The following LIMK2 variants were observed in gnomAD, a reference collection of about 807,000 sequenced individuals.
LIMK2 encodes LIM domain kinase 2.
In LIMK2, 35 loss-of-function variants were observed where a neutral mutation model predicts 75.7. The ratio of observed to expected loss-of-function variants is 0.46; its 90% CI spans 0.35 to 0.61. The LOEUF (loss-of-function observed/expected upper bound fraction) is 0.61. LIMK2 is among the 20% of genes least tolerant of loss of function. The pLI is 0.00. For missense variants in LIMK2, 623 were observed against 831.0 expected (o/e 0.75, Z 3.08); for synonymous variants, 301 against 319.2 (o/e 0.94, Z 0.61).
chr22:31,250,151 A>G (rs1419487095), intron 2 of LIMK2, among the ~76,000 whole-genome samples: 1 of 152,088 alleles, frequency 6.6e-6, no homozygotes, highest in Non-Finnish European at 1.5e-5. Flanking sequence ...TGTGGCTGAG[A>G]TTGTTTTCTA....
At chr22:31,273,979 G>A (rs143756017) in intron 14 of LIMK2, among the ~76,000 whole-genome samples, 1 of 151,124 alleles carries the variant, frequency 6.6e-6, no homozygotes, top group African/African-American at 2.4e-5. Flanking sequence ...ATTAATAGGC[G>A]TGAGCTACCT....
intron 2 of LIMK2, among the ~76,000 whole-genome samples, chr22:31,250,943 T>C (rs1256098274): frequency 6.6e-6 from 1 of 152,108 alleles, no homozygotes; most frequent in East Asian, 1.9e-4. Flanking sequence ...GCAAGGAAAG[T>C]GACGCAACCA....
At chr22:31,239,172 G>A (rs1393084107) in intron 2 of LIMK2, among the ~76,000 whole-genome samples, 4 of 152,228 alleles carry the variant, frequency 2.6e-5, no homozygotes, top group African/African-American at 9.6e-5. Context: ...GCCAACTGTA[G>A]ACTTTAGGCA....
chr22:31,248,329 A>T, intron 2 of LIMK2: 1 of 1,210,634 alleles, frequency 8.3e-7, no homozygotes, highest in African/African-American at 1.6e-5. Context: ...TCCCTCCCTC[A>T]TTCAGGGGTG....
At chr22:31,275,440 C>T in intron 15 of LIMK2, 132 bp downstream of exon 15, 2 of 806,904 alleles carry the variant, frequency 2.5e-6, no homozygotes, top group South Asian at 1.8e-5. Flanking sequence ...CTGTCAACCC[C>T]TGAGCCATCT....
chr22:31,222,066 C>CT (rs1369529944), intron 1 of LIMK2, among the ~76,000 whole-genome samples: 3 of 151,802 alleles, frequency 2.0e-5, no homozygotes, highest in Non-Finnish European at 4.4e-5. Flanking sequence ...GTGTAGACAA[C>CT]TTTTTTTCTT....
intron 2 of LIMK2, among the ~76,000 whole-genome samples, chr22:31,255,544 C>G (rs2048769371): frequency 6.6e-6 from 1 of 152,190 alleles, no homozygotes; most frequent in South Asian, 2.1e-4. Context: ...CTCTAGACTT[C>G]CCTAGCTCAG....
chr22:31,276,892 C>T (rs2049032160), intron 15 of LIMK2: 4 of 1,612,744 alleles, frequency 2.5e-6, no homozygotes, highest in Non-Finnish European at 3.4e-6. Context: ...CAAGGAGCTA[C>T]GGAAGCACCT....
chr22:31,218,594 C>T (rs1463927715), intron 1 of LIMK2, among the ~76,000 whole-genome samples: 3 of 152,170 alleles, frequency 2.0e-5, no homozygotes, highest in Non-Finnish European at 4.4e-5. Context: ...GAAGAAAACC[C>T]TTTGGGTTAC....
chr22:31,258,519 T>C (rs773885108), intron 3 of LIMK2, 93 bp downstream of exon 3: 1 of 1,321,536 alleles, frequency 7.6e-7, no homozygotes, highest in Non-Finnish European at 1.1e-6. Flanking sequence ...TTTTAGTCTT[T>C]CCATCAGCCA....
At chr22:31,276,651 G>A in intron 15 of LIMK2, 1 of 1,012,892 alleles carries the variant, frequency 9.9e-7, no homozygotes, top group Non-Finnish European at 1.2e-6. Flanking sequence ...GGCGGCACAA[G>A]GAGGGGCCCC....
chr22:31,248,566 C>T (rs755896598), intron 2 of LIMK2: 2 of 1,603,462 alleles, frequency 1.2e-6, no homozygotes, highest in Non-Finnish European at 1.7e-6. Flanking sequence ...GCTCCCGCAG[C>T]TGCTCCGGAG....
At chr22:31,244,993 T>C (rs2048655433) in intron 2 of LIMK2, among the ~76,000 whole-genome samples, 2 of 152,262 alleles carry the variant, frequency 1.3e-5, no homozygotes, top group African/African-American at 2.4e-5. Context: ...TTGCTTTATC[T>C]GTAAAGAGAA....
intron 2 of LIMK2, among the ~76,000 whole-genome samples, chr22:31,252,542 TAA>T (rs5844940): frequency 5.8e-5 from 8 of 138,260 alleles, no homozygotes; most frequent in East Asian, 2.1e-4. Flanking sequence ...CTCTGTCTCT[TAA>T]AAAAAAAAAA....
chr22:31,273,534 C>T (rs764098022), intron 14 of LIMK2, 27 bp downstream of exon 14: 5 of 1,604,956 alleles, frequency 3.1e-6, no homozygotes, highest in South Asian at 1.1e-5. Flanking sequence ...AGGCCATGCC[C>T]GAGGCAGCAG....
chr22:31,240,596 T>C (rs2048616493), intron 2 of LIMK2, among the ~76,000 whole-genome samples: 1 of 152,004 alleles, frequency 6.6e-6, no homozygotes, highest in African/African-American at 2.4e-5. Flanking sequence ...GCTAATTTTA[T>C]GTGTTTTAGT....
At chr22:31,248,158 C>A (rs1267554144) in intron 2 of LIMK2, among the ~76,000 whole-genome samples, 1 of 152,060 alleles carries the variant, frequency 6.6e-6, no homozygotes, top group African/African-American at 2.4e-5. Flanking sequence ...TTGCCCTTCC[C>A]TGAGCTCAGG....
At chr22:31,243,024 G>A (rs2048636215) in intron 2 of LIMK2, among the ~76,000 whole-genome samples, 1 of 152,204 alleles carries the variant, frequency 6.6e-6, no homozygotes, top group African/African-American at 2.4e-5. Flanking sequence ...CCGGGTTCAA[G>A]CGATTCTCTT....
chr22:31,269,253 TA>T (rs2048930089), intron 11 of LIMK2, among the ~76,000 whole-genome samples: 1 of 150,936 alleles, frequency 6.6e-6, no homozygotes, highest in Non-Finnish European at 1.5e-5. Context: ...TACAGGTGTG[TA>T]CCACCACACC....
Sources: gnomAD v4.1 joint callset for allele counts (sites outside exome capture counted in the v4.1 genomes callset) on GRCh38, gnomAD v4.1.1 for gene constraint, MANE v1.5 for transcripts, NCBI Gene and HGNC (gene_info 2026-07-23, HGNC 2026-07-21) for gene names.